The following NRG1 variants were observed in gnomAD, a reference collection of about 807,000 sequenced individuals.
The protein encoded by NRG1 is pro-neuregulin-1, membrane-bound isoform.
NRG1 carries 18 observed loss-of-function variants against 63.8 expected under a neutral mutation model. That is an observed-to-expected ratio of 0.28 (90% CI 0.19 to 0.42). The LOEUF is 0.42. NRG1 is among the 10% of genes least tolerant of loss of function. NRG1 has a pLI of 1.00. For missense variants in NRG1, 762 were observed against 814.7 expected (o/e 0.94, Z 0.79); for synonymous variants, 302 against 301.3 (o/e 1.00, Z -0.02).
chr8:31,995,128 T>G (rs995268414), intron 1 of NRG1, among the ~76,000 whole-genome samples: 1 of 151,952 alleles, frequency 6.6e-6, no homozygotes, highest in Admixed American at 6.6e-5. Context: ...CCCATAGAAT[T>G]TCCTTCCCAG....
chr8:31,674,078 G>T (rs1288591409), intron 1 of NRG1, among the ~76,000 whole-genome samples: 5 of 152,130 alleles, frequency 3.3e-5, no homozygotes, highest in Non-Finnish European at 5.9e-5. Flanking sequence ...CTTTCAGTTA[G>T]TGTAAAGTTA....
At chr8:31,652,055 T>C (rs1804902777) in intron 1 of NRG1, among the ~76,000 whole-genome samples, 1 of 152,230 alleles carries the variant, frequency 6.6e-6, no homozygotes, top group African/African-American at 2.4e-5. Context: ...ACTGCTAGTA[T>C]GATCACCACA....
chr8:32,620,620 C>T (rs992961910), intron 5 of NRG1, among the ~76,000 whole-genome samples: 2 of 151,036 alleles, frequency 1.3e-5, no homozygotes, highest in African/African-American at 4.9e-5. Flanking sequence ...ACCAGGAGTT[C>T]GAGACTAGTC....
intron 1 of NRG1, among the ~76,000 whole-genome samples, chr8:31,893,546 C>T (rs1188679824): frequency 3.3e-5 from 5 of 150,940 alleles, no homozygotes; most frequent in Non-Finnish European, 7.4e-5. Flanking sequence ...ATTAATATAC[C>T]TAGCATATAA....
intron 1 of NRG1, among the ~76,000 whole-genome samples, chr8:32,207,149 C>A (rs919190554): frequency 1.3e-5 from 2 of 151,828 alleles, no homozygotes; most frequent in African/African-American, 2.4e-5. Context: ...TTTATAACAC[C>A]CTTTGGAGGA....
chr8:32,525,393 T>G (rs73234122), intron 1 of NRG1, among the ~76,000 whole-genome samples: 1,933 of 64,296 alleles, frequency 0.03, 17 homozygotes, highest in Non-Finnish European at 0.056. Flanking sequence ...GAGGTAGGGG[T>G]GTGTGTGTGT....
At chr8:32,456,454 G>A (rs1821610338) in intron 1 of NRG1, among the ~76,000 whole-genome samples, 2 of 152,170 alleles carry the variant, frequency 1.3e-5, no homozygotes, top group African/African-American at 4.8e-5. Flanking sequence ...TCCCACCTCT[G>A]CCACCCATGA....
chr8:31,923,996 A>G (rs1425669560), intron 1 of NRG1, among the ~76,000 whole-genome samples: 1 of 152,136 alleles, frequency 6.6e-6, no homozygotes. Flanking sequence ...CCATGTCTGA[A>G]TTATTACACT....
At chr8:31,775,235 A>G (rs1177759450) in intron 1 of NRG1, among the ~76,000 whole-genome samples, 1 of 152,258 alleles carries the variant, frequency 6.6e-6, no homozygotes, top group African/African-American at 2.4e-5. Flanking sequence ...AAAGTGTGGC[A>G]TATATACCAC....
At chr8:32,743,608 CTT>C (rs1263131646) in intron 7 of NRG1, among the ~76,000 whole-genome samples, 1 of 42,754 alleles carries the variant, frequency 2.3e-5, no homozygotes, top group Non-Finnish European at 4.5e-5. Flanking sequence ...AACTTAATAA[CTT>C]AAGGCAAAAC....
Position 31,694,564 on chromosome 8 carries a change from G to A in NRG1, c.37+55133G>A, listed in dbSNP as rs187968274. ...GTCTTATAAGGAAGGCCAATGAGGA[G>A]GCAATCATTCTGTAACATGTACTTG... is the stretch of plus-strand genomic sequence containing the variant. On this transcript the variant is annotated intron_variant, in intron 1 of 10. Coordinates refer to the NRG1 transcript ENST00000519301. 5.9e-5 allele frequency among the ~76,000 whole-genome samples: 9 copies of A among 152,074 alleles called. No individual in the cohort carries two copies. In the East Asian group the frequency reaches 1.7e-3, roughly 29 times the overall value.
chr8:32,677,084 T>TA (rs201864267), intron 5 of NRG1, among the ~76,000 whole-genome samples: 5,721 of 152,250 alleles, frequency 0.038, 166 homozygotes, highest in Non-Finnish European at 0.051. Flanking sequence ...CTTTTGTGTT[T>TA]ACCTCAAGAG....
intron 1 of NRG1, among the ~76,000 whole-genome samples, chr8:31,939,503 G>GA (rs1197417785): frequency 2.4e-3 from 345 of 141,580 alleles, no homozygotes; most frequent in African/African-American, 6.6e-3. Context: ...ATAACACAAT[G>GA]AAAAAAAAAA....
chr8:32,025,034 G>C (rs1207785985), intron 1 of NRG1, among the ~76,000 whole-genome samples: 3 of 152,156 alleles, frequency 2.0e-5, no homozygotes, highest in African/African-American at 7.2e-5. Flanking sequence ...TGAAGAATGG[G>C]AATGGGATGT....
chr8:32,032,963 T>C (rs1266001711), intron 1 of NRG1, among the ~76,000 whole-genome samples: 1 of 152,080 alleles, frequency 6.6e-6, no homozygotes, highest in Non-Finnish European at 1.5e-5. Flanking sequence ...AAGGAAGGGG[T>C]ACAGTTTCAA....
chr8:32,355,188 G>T (rs1806205429), intron 1 of NRG1, among the ~76,000 whole-genome samples: 1 of 152,068 alleles, frequency 6.6e-6, no homozygotes, highest in Non-Finnish European at 1.5e-5. Context: ...TCTGGTTGTG[G>T]TGGCTCACTT....
At chr8:32,691,491 A>C (rs533256156) in intron 5 of NRG1, among the ~76,000 whole-genome samples, 21 of 152,332 alleles carry the variant, frequency 1.4e-4, no homozygotes, top group Non-Finnish European at 2.5e-4. Context: ...ATTTCTTCAA[A>C]TTGCACTAGT....
At chr8:32,487,459 T>C (rs1587929125) in intron 1 of NRG1, among the ~76,000 whole-genome samples, 1 of 152,138 alleles carries the variant, frequency 6.6e-6, no homozygotes, top group Non-Finnish European at 1.5e-5. Context: ...CAGGGCTTGG[T>C]GACTCCTGGT....
At chr8:31,981,306 C>A (rs1268345036) in intron 1 of NRG1, among the ~76,000 whole-genome samples, 1 of 152,008 alleles carries the variant, frequency 6.6e-6, no homozygotes, top group Admixed American at 6.6e-5. Context: ...AACTTAGGAA[C>A]TGCCTCTTGT....
Sources: allele counts gnomAD v4.1 joint callset (sites outside exome capture counted in the v4.1 genomes callset), GRCh38; gene constraint gnomAD v4.1.1; transcripts MANE v1.5; gene names NCBI Gene and HGNC (gene_info 2026-07-23, HGNC 2026-07-21).